Variants in TEX15 observed in about 807,000 individuals in gnomAD.
TEX15 encodes the protein testis expressed 15, meiosis and synapsis associated.
A neutral mutation model predicts 237.3 loss-of-function variants in TEX15; 171 were observed. The observed-to-expected ratio is 0.72, with a 90% CI of 0.64 to 0.82. The LOEUF (loss-of-function observed/expected upper bound fraction) is 0.82, where lower values mean the gene tolerates loss of function less well. Among genes scored for constraint, TEX15 ranks in the 40% least tolerant of loss-of-function variants. The pLI is 0.00. For synonymous variants in TEX15, 1,338 were observed against 1,269.8 expected (o/e 1.05, Z -1.14); for missense variants, 3,750 against 3,646.5 (o/e 1.03, Z -0.73).
intron 4 of TEX15, among the ~76,000 whole-genome samples, chr8:30,874,215 A>G (rs1290104029): frequency 6.6e-6 from 1 of 152,174 alleles, no homozygotes; most frequent in East Asian, 1.9e-4. Flanking sequence ...TCTAAAATGA[A>G]CAAGCCAAAA....
At chr8:30,909,394 A>ACCCCCCCCCCCCCC (rs35046956) in intron 1 of TEX15, among the ~76,000 whole-genome samples, 10 of 118,400 alleles carry the variant, frequency 8.4e-5, no homozygotes, top group African/African-American at 2.2e-4. Context: ...TTAAAGACAG[A>ACCCCCCCCCCCCCC]CCCCCCCCCG....
intron 2 of TEX15, among the ~76,000 whole-genome samples, chr8:30,894,916 G>A (rs181048940): frequency 3.3e-5 from 5 of 152,254 alleles, no homozygotes; most frequent in East Asian, 1.9e-4. Flanking sequence ...AAGATGCAGC[G>A]AAAAGACAGC....
chr8:30,849,091 C>T lies in TEX15; in HGVS notation c.1076G>A (p.Gly359Glu). 1 of 1,612,840 alleles carries T rather than the reference C, an allele frequency of 6.2e-7. No individual in the cohort carries two copies. Among genetic ancestry groups the T allele is most frequent in the Non-Finnish European group, 8.5e-7 (1 of 1,179,578 alleles). Reference sequence around the variant, plus strand: ...TTCTGCTAAACTGTGCTCTGTCTGTCCACTGTATGTTTCAGGTATAGAAAT... The same window carrying T: ...TTCTGCTAAACTGTGCTCTGTCTGTTCACTGTATGTTTCAGGTATAGAAAT... Reference protein sequence around the residue: ...GNISIPETYSGQTEHSLAEIR... With the variant: ...GNISIPETYSEQTEHSLAEIR... Residue 359 changes from glycine (G) to glutamate (E), a missense_variant, in exon 8 of 11, where the codon GGA (glycine) becomes GAA (glutamate). Gly to Glu is a moderately conservative substitution (Grantham distance 98). Transcript: ENST00000643185.
At position 30,867,388 on chromosome 8, in the gene TEX15, T is replaced by C; in HGVS notation, c.417A>G (p.Arg139=). ...AQIYQNGIST[R]ASTLKILGNP... is the part of the protein sequence containing the mutation. ...TTCCTAGTATCTTCAATGTAGATGC[T>C]CTGGTACTTATTCCATTCTGATATA... The change falls in exon 5 of 11, where the codon AGA becomes AGG. Residue 139 remains arginine, a synonymous_variant. Transcript: ENST00000643185. The C allele has an allele frequency of 6.5e-7, 1 of 1,532,668 alleles. No individual in the cohort carries two copies. Among genetic ancestry groups the C allele is most frequent in the Non-Finnish European group, 8.7e-7 (1 of 1,144,036 alleles). The allele number at this position is 1,532,668 out of a possible 1,614,324, so 94.9% of individuals were successfully genotyped here. A position where few individuals can be genotyped will look rare whatever the true frequency, so the allele number is the denominator to read the frequency against.
Position 30,837,398 on chromosome 8 carries a change from C to T in TEX15, c.8886G>A (p.Glu2962=), listed in dbSNP as rs755542873. ...NKLQPTETES[E]DKYMKDTLNP... Reference sequence around the variant, plus strand: ...TCAATGTATCCTTCATGTATTTGTCCTCTGACTCAGTTTCTGTAGGCTGTA... The same window carrying T: ...TCAATGTATCCTTCATGTATTTGTCTTCTGACTCAGTTTCTGTAGGCTGTA... Residue 2962 remains glutamate (E), a synonymous_variant, in exon 10 of 11, where the codon GAG becomes GAA. Coordinates refer to ENST00000643185, the MANE Select transcript of TEX15 (RefSeq NM_001350162.2). 50 of 1,613,956 alleles carry T rather than the reference C, an allele frequency of 3.1e-5. No homozygotes were observed. In the South Asian group the frequency reaches 4.9e-4, roughly 16 times the overall value.
At chr8:30,895,050 T>C (rs191313689) in intron 2 of TEX15, among the ~76,000 whole-genome samples, 29 of 152,274 alleles carry the variant, frequency 1.9e-4, no homozygotes, top group Admixed American at 5.9e-4. Flanking sequence ...ACCCAGTTTA[T>C]GGTATTTTGT....
chr8:30,836,596 G>T lies in TEX15; in HGVS notation c.9481+207C>A, dbSNP rs895609995. Among the ~76,000 whole-genome samples, 4 of 152,080 alleles carry T rather than the reference G, an allele frequency of 2.6e-5. No homozygotes were observed. In the East Asian group the frequency reaches 7.7e-4, roughly 29 times the overall value. On this transcript the variant is annotated intron_variant, in intron 10 of 10. Coordinates refer to ENST00000643185, the MANE Select transcript of TEX15 (RefSeq NM_001350162.2). ...GAACAAACATGTCAAGGACATATTA[G>T]TGATACTGACAGTTTTTTTTCTTGA...
rs951876691 is a variant in TEX15 at position 30,847,975 on chromosome 8, T to C, written c.2192A>G (p.Tyr731Cys). 4 of 1,613,850 alleles carry C rather than the reference T, an allele frequency of 2.5e-6. No individual in the cohort carries two copies. Among genetic ancestry groups the C allele is most frequent in the African/African-American group, 2.7e-5 (2 of 74,940 alleles). The change falls in exon 8 of 11, where the codon TAT (tyrosine) becomes TGT (cysteine). Residue 731 changes from tyrosine to cysteine, a missense_variant. By Grantham distance (194) the Tyr-to-Cys change is radical. Coordinates refer to ENST00000643185, the MANE Select transcript of TEX15 (RefSeq NM_001350162.2). Reference sequence around the variant, plus strand: ...TAAACTTGTATGAATGTTACCCTCATACTCCACAGAGTGCTGAGGATGCTT... The same window carrying C: ...TAAACTTGTATGAATGTTACCCTCACACTCCACAGAGTGCTGAGGATGCTT... ...SQKHPQHSVE[Y>C]EGNIHTSLAI... is the part of the protein sequence containing the mutation.
intron 2 of TEX15, among the ~76,000 whole-genome samples, chr8:30,895,700 T>TTTTTTTTTA (rs1808891192): frequency 7.9e-6 from 1 of 126,808 alleles, no homozygotes; most frequent in African/African-American, 3.0e-5. Context: ...TTTTTTTTTT[T>TTTTTTTTTA]GAGCAGAGTC....
chr8:30,911,089 C>T (rs1447879677), intron 1 of TEX15, among the ~76,000 whole-genome samples: 1 of 152,078 alleles, frequency 6.6e-6, no homozygotes, highest in Admixed American at 6.5e-5. Context: ...TCAATGTGAA[C>T]TCAACGACAT....
chr8:30,860,633 T>C (rs1808028438), intron 5 of TEX15, among the ~76,000 whole-genome samples: 2 of 151,294 alleles, frequency 1.3e-5, no homozygotes, highest in African/African-American at 4.9e-5. Context: ...GGTGTGATCT[T>C]GGTTCACTGC....
At chr8:30,861,936 T>G (rs1808059322) in intron 5 of TEX15, among the ~76,000 whole-genome samples, 1 of 151,856 alleles carries the variant, frequency 6.6e-6, no homozygotes, top group Non-Finnish European at 1.5e-5. Context: ...AACTCAGGAG[T>G]AATCATAATG....
At chr8:30,834,256 T>C (rs1332068446) in intron 10 of TEX15, among the ~76,000 whole-genome samples, 2 of 152,198 alleles carry the variant, frequency 1.3e-5, no homozygotes, top group Admixed American at 6.5e-5. Context: ...CACTGCAACC[T>C]CCGCCTCCCA....
chr8:30,877,835 TTGTG>T (rs1209699782), intron 3 of TEX15, among the ~76,000 whole-genome samples: 1 of 152,190 alleles, frequency 6.6e-6, no homozygotes, highest in East Asian at 1.9e-4. Context: ...TTACATCCAC[TTGTG>T]TGTGTAGTTC....
rs1807282563 is a variant in TEX15, at chr8:30,835,961, CTG to C, written c.9481+840_9481+841del. Among the ~76,000 whole-genome samples the C allele has an allele frequency of 5.3e-5, 8 of 151,750 alleles. No individual in the cohort carries two copies. The South Asian group carries it at 1.5e-3, about 28-fold the overall frequency. On this transcript the variant is annotated intron_variant, in intron 10 of 10. Transcript: ENST00000643185. ...ATTTATTTTCCCACTTTAGTTTACT[CTG>C]TTTTTCCTCTAATTATCAAAATAAT...
chr8:30,850,752 A>G (rs1302675445), intron 7 of TEX15, among the ~76,000 whole-genome samples: 1 of 152,178 alleles, frequency 6.6e-6, no homozygotes, highest in African/African-American at 2.4e-5. Flanking sequence ...ATCTTGGCAT[A>G]GGAAAGTACT....
chr8:30,857,659 A>G (rs549618402), intron 7 of TEX15, among the ~76,000 whole-genome samples: 1 of 152,344 alleles, frequency 6.6e-6, no homozygotes, highest in East Asian at 1.9e-4. Flanking sequence ...TACACCTATC[A>G]AAAAAGAACC....
intron 4 of TEX15, 81 bp from the exon 5 acceptor site, chr8:30,867,583 CAGTT>C (rs1345360233): frequency 1.3e-6 from 1 of 792,378 alleles, no homozygotes; most frequent in African/African-American, 1.7e-5. Flanking sequence ...CCACTTACCA[CAGTT>C]AGAAAGCAAG....
At chr8:30,867,646 G>T in intron 4 of TEX15, 144 bp from the exon 5 acceptor site, 1 of 589,032 alleles carries the variant, frequency 1.7e-6, no homozygotes, top group Non-Finnish European at 3.0e-6. Context: ...GATAAATTTG[G>T]TTGAAAATCA....
Sources: allele counts gnomAD v4.1 joint callset (sites outside exome capture counted in the v4.1 genomes callset), GRCh38; gene constraint gnomAD v4.1.1; transcripts MANE v1.5; gene names NCBI Gene and HGNC (gene_info 2026-07-23, HGNC 2026-07-21).